The following NDST3 variants were observed in gnomAD, a reference collection of about 807,000 sequenced individuals.
NDST3 encodes N-deacetylase and N-sulfotransferase 3.
Under a neutral mutation model 96.1 loss-of-function variants are expected in NDST3, and 58 were observed. The ratio of observed to expected loss-of-function variants is 0.60; its 90% CI spans 0.49 to 0.75. The LOEUF is 0.75. Ranked by LOEUF, NDST3 falls within the 30% of genes least tolerant of loss-of-function variation. The pLI, the probability that NDST3 is intolerant of heterozygous loss-of-function variation, is 0.00. For synonymous variants in NDST3, 333 were observed against 359.7 expected, an observed-to-expected ratio of 0.93 and a Z score of 0.84; for missense variants, 788 against 1,034.2, an observed-to-expected ratio of 0.76 and a Z score of 3.27.
In NDST3 at chr4:118,093,553, T is replaced by C. The variant is rs190509538; in HGVS notation, c.982-11465T>C. Among the ~76,000 whole-genome samples, 27 of 151,972 alleles carry C rather than the reference T, an allele frequency of 1.8e-4. No homozygotes were observed. In the East Asian group the frequency reaches 5.0e-3, roughly 28 times the overall value. On this transcript the variant is annotated intron_variant, in intron 2 of 13. Transcript: ENST00000296499. ...ATTTGCCTGTACCCTAACTTATATA[T>C]GTATCTAATTTTTGTGCTGATTTAC...
chr4:118,212,126 T>A (rs1370085907), intron 6 of NDST3, among the ~76,000 whole-genome samples: 1 of 152,166 alleles, frequency 6.6e-6, no homozygotes, highest in Admixed American at 6.6e-5. Flanking sequence ...TTAGTTGGGT[T>A]CACAATGCAA....
At chr4:118,098,935 G>A (rs2125842412) in intron 2 of NDST3, among the ~76,000 whole-genome samples, 1 of 152,100 alleles carries the variant, frequency 6.6e-6, no homozygotes, top group Middle Eastern at 3.4e-3. Context: ...TTTCATGTGA[G>A]TAACAGAAAG....
intron 2 of NDST3, among the ~76,000 whole-genome samples, chr4:118,091,855 G>T (rs2389522): frequency 6.6e-6 from 1 of 151,428 alleles, no homozygotes. Flanking sequence ...TCTCTACTAT[G>T]TTTTTTCTTT....
At chr4:118,114,604 T>C in intron 3 of NDST3, among the ~76,000 whole-genome samples, 1 of 152,228 alleles carries the variant, frequency 6.6e-6, no homozygotes, top group East Asian at 1.9e-4. Flanking sequence ...TTTAATAACA[T>C]TTAAGAGTTT....
chr4:118,102,699 T>C (rs897579390), intron 2 of NDST3, among the ~76,000 whole-genome samples: 2 of 152,078 alleles, frequency 1.3e-5, no homozygotes, highest in Admixed American at 6.6e-5. Flanking sequence ...GTAACAAATA[T>C]ATTTTTAAAA....
At chr4:118,215,190 C>A (rs575305808) in intron 6 of NDST3, among the ~76,000 whole-genome samples, 90 of 151,858 alleles carry the variant, frequency 5.9e-4, no homozygotes, top group African/African-American at 2.1e-3. Flanking sequence ...CACCTAGAGA[C>A]AGCATGTAAA....
At chr4:118,240,501 A>C in intron 10 of NDST3, 23 bp from the exon 11 acceptor site, 2 of 1,566,172 alleles carry the variant, frequency 1.3e-6, no homozygotes, top group South Asian at 1.2e-5. Flanking sequence ...AGATTAGTTT[A>C]ATTATCCACC....
upstream of NDST3, chr4:118,033,572 G>T (rs867033503): frequency 3.4e-4 from 52 of 151,940 alleles, 1 homozygote; most frequent in Middle Eastern, 0.014. Flanking sequence ...GCGGGCGCGC[G>T]CGGGCCGGGA....
rs1421803629 is a variant in NDST3 at position 118,142,446 on chromosome 4, T to C, written c.1411-1110T>C. ...ATTTTAATACACATTCAAACTAAAA[T>C]AAAAAATAAAAATAAAATAAAATAA... On this transcript the variant is annotated intron_variant, in intron 5 of 13. Coordinates refer to ENST00000296499, the MANE Select transcript of NDST3 (RefSeq NM_004784.3). 2.6e-5 allele frequency among the ~76,000 whole-genome samples: 4 copies of C among 151,602 alleles called. No individual in the cohort carries two copies. In the South Asian group the frequency reaches 8.3e-4, roughly 31 times the overall value.
intron 4 of NDST3, among the ~76,000 whole-genome samples, chr4:118,116,857 CAAAAAAAGAAAAAAAAAAAAGA>C (rs1174182645): frequency 6.9e-6 from 1 of 145,270 alleles, no homozygotes; most frequent in Non-Finnish European, 1.5e-5. Flanking sequence ...GACTCCCTCT[CAAAAAAAGAAAAAAAAAAAAGA>C]ATATACTTAA....
intron 6 of NDST3, among the ~76,000 whole-genome samples, chr4:118,153,524 T>C (rs1406573199): frequency 6.6e-6 from 1 of 152,184 alleles, no homozygotes; most frequent in Non-Finnish European, 1.5e-5. Flanking sequence ...ATTTAAAACA[T>C]GTTGTGTAAT....
chr4:118,136,588 C>T (rs1290953553), intron 4 of NDST3, among the ~76,000 whole-genome samples: 2 of 152,016 alleles, frequency 1.3e-5, no homozygotes, highest in Admixed American at 1.3e-4. Context: ...GCAAATGATG[C>T]AAATAAAATG....
chr4:118,104,967 C>A, intron 2 of NDST3, 51 bp from the exon 3 acceptor site: 1 of 1,506,286 alleles, frequency 6.6e-7, no homozygotes, highest in Non-Finnish European at 9.2e-7. Context: ...CTTTTGGAAA[C>A]TTTTTAATGC....
At chr4:118,085,418 A>G (rs940816390) in intron 2 of NDST3, among the ~76,000 whole-genome samples, 2 of 152,240 alleles carry the variant, frequency 1.3e-5, no homozygotes, top group African/African-American at 4.8e-5. Context: ...AGAGAAAAAA[A>G]GTACTAATAG....
At chr4:118,165,429 T>C (rs189757156) in intron 6 of NDST3, among the ~76,000 whole-genome samples, 1 of 152,206 alleles carries the variant, frequency 6.6e-6, no homozygotes, top group East Asian at 1.9e-4. Context: ...ATATGTGTAA[T>C]AATCATTGAG....
At chr4:118,147,696 A>G (rs763444503) in intron 6 of NDST3, among the ~76,000 whole-genome samples, 7 of 152,214 alleles carry the variant, frequency 4.6e-5, no homozygotes, top group Non-Finnish European at 7.3e-5. Context: ...TCTTAGGAAG[A>G]TGCAGTAATA....
chr4:118,183,415 C>T (rs1371524582), intron 6 of NDST3, among the ~76,000 whole-genome samples: 2 of 152,146 alleles, frequency 1.3e-5, no homozygotes, highest in Admixed American at 6.6e-5. Context: ...CAAAGCTCCA[C>T]CAGTCTAATC....
At chr4:118,051,144 G>T (rs1186076803) in intron 1 of NDST3, among the ~76,000 whole-genome samples, 1 of 152,156 alleles carries the variant, frequency 6.6e-6, no homozygotes, top group Non-Finnish European at 1.5e-5. Flanking sequence ...TCAGTAAATG[G>T]TGCTGGGATA....
intron 12 of NDST3, among the ~76,000 whole-genome samples, chr4:118,247,065 AC>A (rs1441670639): frequency 3.9e-5 from 6 of 152,202 alleles, no homozygotes; most frequent in African/African-American, 1.4e-4. Flanking sequence ...CTAGGAATCT[AC>A]CCCAGAATAA....
Sources: allele counts gnomAD v4.1 joint callset (sites outside exome capture counted in the v4.1 genomes callset), GRCh38; gene constraint gnomAD v4.1.1; transcripts MANE v1.5; gene names NCBI Gene and HGNC (gene_info 2026-07-23, HGNC 2026-07-21).